The following PNPLA1 variants were observed in gnomAD, a reference collection of about 807,000 sequenced individuals.
The protein encoded by PNPLA1 is patatin like domain 1, omega-hydroxyceramide transacylase, also known as omega-hydroxyceramide transacylase.
Under a neutral mutation model 51.7 loss-of-function variants are expected in PNPLA1, and 36 were observed. That is an observed-to-expected ratio of 0.70 (90% CI 0.53 to 0.92). The LOEUF (loss-of-function observed/expected upper bound fraction) is 0.92. PNPLA1 is among the 40% of genes least tolerant of loss of function. PNPLA1 has a pLI of 0.00. For missense variants in PNPLA1, 658 were observed against 682.5 expected, an observed-to-expected ratio of 0.96 and a Z score of 0.40; for synonymous variants, 293 against 280.1, an observed-to-expected ratio of 1.05 and a Z score of -0.46.
intron 1 of PNPLA1, 81 bp downstream of exon 1, chr6:36,270,745 A>G: frequency 6.7e-7 from 1 of 1,483,370 alleles, no homozygotes; most frequent in Non-Finnish European, 9.1e-7. Context: ...GAGGCTGGGG[A>G]TGCTTTGGGG....
intron 1 of PNPLA1, among the ~76,000 whole-genome samples, chr6:36,252,102 A>C (rs73415547): frequency 2.4e-3 from 366 of 152,246 alleles, no homozygotes; most frequent in African/African-American, 8.7e-3. Context: ...CCCTATCCTA[A>C]TAGAAACTGC....
rs1181480255 is a variant in PNPLA1, at chr6:36,294,377, C to T, written c.692C>T (p.Ala231Val). The T allele has an allele frequency of 6.2e-7, 1 of 1,614,138 alleles. No individual in the cohort carries two copies. Among genetic ancestry groups the T allele is most frequent in the South Asian group, 1.1e-5 (1 of 91,086 alleles). ...GAGAACATCGCCAGGATGACCCACG[C>T]ATTGTTCCCCCCGGACCTGGTGGTG... ...SLENIARMTH[A>V]LFPPDLVILH... The change falls in exon 4 of 9, where the codon GCA (alanine) becomes GTA (valine). Residue 231 changes from alanine (A) to valine (V), a missense_variant. Physicochemically the swap from Ala to Val is moderately conservative, Grantham distance 64. Coordinates refer to ENST00000636260, the MANE Select transcript of PNPLA1 (RefSeq NM_001374623.1). The surrounding 1 kb of genome is among the most constrained non-coding windows in gnomAD (Gnocchi z 4.2).
chr6:36,245,113 T>G (rs919612854), intron 1 of PNPLA1, among the ~76,000 whole-genome samples: 1 of 152,190 alleles, frequency 6.6e-6, no homozygotes, highest in African/African-American at 2.4e-5. Context: ...GAGGCAAAGC[T>G]TTGTCTAAAA....
In PNPLA1 at chr6:36,301,424, G is replaced by A. The variant is rs567774232; in HGVS notation, c.776-437G>A. 3.3e-4 allele frequency among the ~76,000 whole-genome samples: 46 copies of A among 137,340 alleles called. No individual in the cohort carries two copies. In the South Asian group the frequency reaches 9.2e-3, roughly 28 times the overall value. 90.1% of individuals were successfully genotyped at this position (137,340 alleles called of 152,430 possible). On this transcript the variant is annotated intron_variant, in intron 5 of 8. Transcript: ENST00000636260. ...CCTCCTCCCCCAGCACAGTACCCCC[G>A]CCCCACACTGACCTTTCAGGCCCCC...
At chr6:36,257,782 A>G (rs1040492971) in intron 1 of PNPLA1, among the ~76,000 whole-genome samples, 2 of 151,968 alleles carry the variant, frequency 1.3e-5, no homozygotes, top group Non-Finnish European at 2.9e-5. Flanking sequence ...TCTCTTTTGT[A>G]TGGGTCACAT....
intron 1 of PNPLA1, among the ~76,000 whole-genome samples, chr6:36,273,596 A>G (rs1769993258): frequency 6.6e-6 from 1 of 151,726 alleles, no homozygotes; most frequent in Admixed American, 6.6e-5. Flanking sequence ...TCTTTATGTC[A>G]TCTTAAAATA....
intron 1 of PNPLA1, among the ~76,000 whole-genome samples, chr6:36,287,426 G>C (rs1031294908): frequency 2.6e-5 from 4 of 152,170 alleles, no homozygotes; most frequent in Admixed American, 2.6e-4. Flanking sequence ...TGAGTACCCT[G>C]ATCAGGACAC....
chr6:36,257,578 T>C (rs1462414030), intron 1 of PNPLA1, among the ~76,000 whole-genome samples: 1 of 152,260 alleles, frequency 6.6e-6, no homozygotes. Context: ...GATGTTGTAT[T>C]TTTCAGTGCT....
intron 1 of PNPLA1, among the ~76,000 whole-genome samples, chr6:36,272,538 A>G (rs1433002221): frequency 1.3e-5 from 2 of 152,340 alleles, no homozygotes; most frequent in East Asian, 1.9e-4. Context: ...ATACCTGCTT[A>G]GAACAATACC....
intron 2 of PNPLA1, 45 bp downstream of exon 2, chr6:36,291,597 G>GGGGGGGGGGGGGA: frequency 1.9e-6 from 1 of 532,586 alleles, no homozygotes; most frequent in East Asian, 5.3e-5. Context: ...GGGGGCGGGG[G>GGGGGGGGGGGGGA]AGGGCGGCTC....
intron 1 of PNPLA1, among the ~76,000 whole-genome samples, chr6:36,273,843 C>T (rs1056603897): frequency 6.0e-5 from 9 of 150,832 alleles, no homozygotes; most frequent in South Asian, 2.1e-4. Flanking sequence ...CGGGCTGTGA[C>T]GGTCATGGAC....
chr6:36,307,904 C>T, intron 8 of PNPLA1, 192 bp downstream of exon 8: 2 of 602,882 alleles, frequency 3.3e-6, no homozygotes, highest in East Asian at 3.5e-5. Flanking sequence ...ATGGTTGGGA[C>T]ACTTGCTCTC....
intron 6 of PNPLA1, among the ~76,000 whole-genome samples, chr6:36,302,965 C>G (rs559575456): frequency 2.0e-5 from 3 of 152,304 alleles, no homozygotes; most frequent in African/African-American, 7.2e-5. Flanking sequence ...GGAGGGTGTG[C>G]AGAAATTAAG....
intron 1 of PNPLA1, among the ~76,000 whole-genome samples, chr6:36,251,848 G>A (rs1582025077): frequency 6.6e-6 from 1 of 152,128 alleles, no homozygotes; most frequent in Non-Finnish European, 1.5e-5. Context: ...GGGAGGCTGA[G>A]ACAGGAGGAT....
intron 1 of PNPLA1, among the ~76,000 whole-genome samples, chr6:36,284,857 C>T (rs1056208083): frequency 1.2e-4 from 19 of 152,144 alleles, no homozygotes; most frequent in African/African-American, 4.6e-4. Flanking sequence ...TCGAACAAAG[C>T]CTCCCTTACT....
At chr6:36,291,581 C>A (rs370244950) in intron 2 of PNPLA1, 29 bp downstream of exon 2, 94 of 687,468 alleles carry the variant, frequency 1.4e-4, no homozygotes, top group Admixed American at 2.0e-4. Flanking sequence ...GAGGGAGGGA[C>A]ACGGAGGGGG....
chr6:36,261,027 C>T (rs1467609932), intron 1 of PNPLA1, among the ~76,000 whole-genome samples: 1 of 152,140 alleles, frequency 6.6e-6, no homozygotes, highest in Admixed American at 6.6e-5. Flanking sequence ...TGAGGTTTTG[C>T]CATGTCCCCC....
At chr6:36,243,642 C>G (rs1339093989) in intron 1 of PNPLA1, among the ~76,000 whole-genome samples, 1 of 152,124 alleles carries the variant, frequency 6.6e-6, no homozygotes, top group Non-Finnish European at 1.5e-5. Context: ...ACCCTACTAC[C>G]AGAGAGCCCA....
chr6:36,248,524 A>AT lies in PNPLA1; in HGVS notation c.-81+5278dup, dbSNP rs201638655. On this transcript the variant is annotated intron_variant, in intron 1 of 7. Coordinates refer to the PNPLA1 transcript ENST00000312917. ...AAATGCCACACCAAAATAACTTCTC[A>AT]TTTTTTTTTTTTTTTGAGACGGAGT... Among the ~76,000 whole-genome samples, 966 of 141,772 alleles carry AT rather than the reference A, an allele frequency of 6.8e-3. 10 individuals are homozygous for AT. Among genetic ancestry groups the AT allele is most frequent in the South Asian group, 0.017 (77 of 4,488 alleles). The allele number at this position is 141,772 out of a possible 152,430, so 93.0% of individuals were successfully genotyped here. A position where few individuals can be genotyped will look rare whatever the true frequency, so the allele number is the denominator to read the frequency against.
Sources: allele counts gnomAD v4.1 joint callset (sites outside exome capture counted in the v4.1 genomes callset), GRCh38; gene constraint gnomAD v4.1.1; non-coding constraint Gnocchi (gnomAD v3.1); transcripts MANE v1.5; gene names NCBI Gene and HGNC (gene_info 2026-07-23, HGNC 2026-07-21).